SCNN1A: variants seen among roughly 807,000 people sequenced by gnomAD.
The protein encoded by SCNN1A is epithelial sodium channel subunit alpha.
SCNN1A carries 65 observed loss-of-function variants against 68.6 expected under a neutral mutation model. The observed-to-expected ratio is 0.95, with a 90% CI of 0.78 to 1.16. The LOEUF is 1.16. Ranked by LOEUF, SCNN1A falls within the 50% of genes most tolerant of loss-of-function variation. The pLI, the probability that SCNN1A is intolerant of heterozygous loss-of-function variation, is 0.00. For synonymous variants in SCNN1A, 357 were observed against 353.3 expected, an observed-to-expected ratio of 1.01 and a Z score of -0.12; for missense variants, 880 against 865.9, an observed-to-expected ratio of 1.02 and a Z score of -0.20.
chr12:6,367,864 AC>A lies in SCNN1A; in HGVS notation c.417-4155del, dbSNP rs571688069. On this transcript the variant is annotated intron_variant, in intron 2 of 12. Transcript: ENST00000228916. ...GTCCTAACGTGCAGCTACATTAACC[AC>A]CGTCTAGTCCAGATCTTCACTTCCT... 1.7e-3 allele frequency among the ~76,000 whole-genome samples: 254 copies of A among 152,286 alleles called. 5 individuals carry two copies. Among genetic ancestry groups the A allele is most frequent in the African/African-American group, 5.7e-3 (235 of 41,568 alleles).
intron 8 of SCNN1A, among the ~76,000 whole-genome samples, chr12:6,354,155 C>T (rs1048400875): frequency 5.9e-5 from 9 of 151,832 alleles, no homozygotes; most frequent in East Asian, 5.9e-4. Context: ...GGTGGGAACC[C>T]GGGAGGTGGA....
chr12:6,348,974 T>A lies in SCNN1A; in HGVS notation c.1529A>T (p.Asn510Ile). Residue 510 changes from asparagine to isoleucine, a missense_variant, in exon 11 of 13, where the codon AAC (asparagine) becomes ATC (isoleucine). Asn to Ile is a moderately radical substitution (Grantham distance 149). Around this residue, in one of 3 missense-constraint regions of SCNN1A, gnomAD observed 758 missense variants for 721.8 expected, o/e 1.05. Transcript: ENST00000228916. ...CCTCTTGTTGTTGACGGTGTAATTG[T>A]TCTGTCGCGATAGCATCTGGAAGAC... ...EWVFQMLSRQ[N>I]NYTVNNKRNG... The A allele has an allele frequency of 6.2e-7, 1 of 1,614,130 alleles. No individual in the cohort carries two copies. The highest frequency in any genetic ancestry group is 8.5e-7 in the Non-Finnish European group (1 of 1,180,030).
chr12:6,359,840 G>A (rs968621432), intron 4 of SCNN1A, among the ~76,000 whole-genome samples: 1 of 136,166 alleles, frequency 7.3e-6, no homozygotes, highest in Non-Finnish European at 1.5e-5. Flanking sequence ...GTGCGATCTC[G>A]GCTCACTGCA....
upstream of SCNN1A, chr12:6,376,309 C>T (rs1948908030): frequency 1.1e-5 from 4 of 377,108 alleles, no homozygotes; most frequent in Non-Finnish European, 1.5e-5. Flanking sequence ...GGGGGCTAGG[C>T]GGGGCCCTAG....
intron 8 of SCNN1A, chr12:6,349,772 G>C (rs533793052): frequency 7.3e-4 from 181 of 247,180 alleles, no homozygotes; most frequent in African/African-American, 4.1e-3. Context: ...TGTTGCCCAC[G>C]CTAGAGTGCA....
chr12:6,355,790 AGGC>A lies in SCNN1A; in HGVS notation c.963_965del (p.Met321_Pro322delinsIle). The A allele has an allele frequency of 6.2e-7, 1 of 1,610,222 alleles. No individual in the cohort carries two copies. The highest frequency in any genetic ancestry group is 8.5e-7 in the Non-Finnish European group (1 of 1,176,436). Reference sequence around the variant, plus strand: ...GGAGCTTCTCACCGTTGTTGATTCCAGGCATGGAAGACATCCAGAGGTTGGAGT... The same window carrying A: ...GGAGCTTCTCACCGTTGTTGATTCCAATGGAAGACATCCAGAGGTTGGAGT... On this transcript the variant is annotated inframe_deletion, in exon 5 of 13. Transcript: ENST00000228916.
intron 4 of SCNN1A, among the ~76,000 whole-genome samples, chr12:6,359,697 T>C (rs913493996): frequency 2.0e-5 from 3 of 151,482 alleles, no homozygotes; most frequent in African/African-American, 7.3e-5. Flanking sequence ...GCCATGCTTG[T>C]ACAATCTGCA....
Position 6,347,921 on chromosome 12 carries a change from C to T in SCNN1A, c.1962G>A (p.Gly654=), listed in dbSNP as rs573049175. 30 of 1,594,048 alleles carry T rather than the reference C, an allele frequency of 1.9e-5. No homozygotes were observed. In the East Asian group the frequency reaches 5.4e-4, roughly 29 times the overall value. ...YATLGPRPSP[G]GSAGASSSTC... is the part of the protein sequence containing the mutation. Reference sequence around the variant, plus strand: ...TGGAGGAACTGGCCCCTGCAGAGCCCCCTGGAGATGGGCGGGGGCCCAGGG... The same window carrying T: ...TGGAGGAACTGGCCCCTGCAGAGCCTCCTGGAGATGGGCGGGGGCCCAGGG... The change falls in exon 13 of 13, where the codon GGG becomes GGA. Residue 654 remains glycine (G), a synonymous_variant. Transcript: ENST00000228916.
chr12:6,369,445 A>G (rs116726241), intron 2 of SCNN1A, among the ~76,000 whole-genome samples: 2,895 of 151,640 alleles, frequency 0.019, 92 homozygotes, highest in African/African-American at 0.066. Context: ...CCACACACAC[A>G]AACCTGTGAC....
rs747753624 is a variant in SCNN1A, at chr12:6,362,178, C to A, written c.748G>T (p.Glu250Ter). 6.2e-7 allele frequency: 1 copy of A among 1,613,830 alleles called. No individual in the cohort carries two copies. The highest frequency in any genetic ancestry group is 8.5e-7 in the Non-Finnish European group (1 of 1,179,682). The change falls in exon 4 of 13, where the codon GAG becomes TAG. Residue 250 changes from glutamate to a stop codon, truncating the protein, a stop_gained. Transcript: ENST00000228916. LOFTEE classifies it high-confidence loss of function. Reference sequence around the variant, plus strand: ...TTGATGTAGTGGAAGCGGTACCACTCCCTCACCGCATCCACCCCTGATGAG... The same window carrying A: ...TTGATGTAGTGGAAGCGGTACCACTACCTCACCGCATCCACCCCTGATGAG... Reference protein sequence around the residue: ...TYSSGVDAVREWYRFHYINIL... With the variant: ...TYSSGVDAVR
rs201759987 is a variant in SCNN1A, at chr12:6,348,122, C to A, written c.1761G>T (p.Arg587Ser). 4 of 1,614,152 alleles carry A rather than the reference C, an allele frequency of 2.5e-6. No homozygotes were observed. In the East Asian group the frequency reaches 8.9e-5, roughly 36 times the overall value. Residue 587 changes from arginine (R) to serine (S), a missense_variant, in exon 13 of 13, where the codon AGG (arginine) becomes AGT (serine). By Grantham distance (110) the Arg-to-Ser change is moderately radical (BLOSUM62 -1). Transcript: ENST00000228916. ...CTGGAGACCAGTATCGGCTTCGGAACCTTCGGAGCAGCATGAGGAACATGA... is the reference window on the plus strand; with the variant it reads ...CTGGAGACCAGTATCGGCTTCGGAAACTTCGGAGCAGCATGAGGAACATGA... ...LVIMFLMLLRRFRSRYWSPGR... is the reference protein window; with the variant it reads ...LVIMFLMLLRSFRSRYWSPGR...
At chr12:6,371,511 A>G (rs56194639) in intron 2 of SCNN1A, among the ~76,000 whole-genome samples, 108,445 of 137,698 alleles carry the variant, frequency 0.79, 42,609 homozygotes, top group African/African-American at 0.89. Context: ...CTGGCTTTCC[A>G]TTGGAGCGTG....
At position 6,366,486 on chromosome 12, in the gene SCNN1A, G is replaced by A. The variant is rs553291343; in HGVS notation, c.417-2776C>T. On this transcript the variant is annotated intron_variant, in intron 2 of 12. Coordinates refer to ENST00000228916, the MANE Select transcript of SCNN1A (RefSeq NM_001038.6). ...AATTTACGGTGTTTAGGCCGCACCC[G>A]AAACACATTAGAACATAAAGATTTG... Among the ~76,000 whole-genome samples, 9 of 152,272 alleles carry A rather than the reference G, an allele frequency of 5.9e-5. No homozygotes were observed. The South Asian group carries it at 1.0e-3, about 18-fold the overall frequency.
chr12:6,373,326 A>C (rs1948827871), intron 2 of SCNN1A, among the ~76,000 whole-genome samples: 1 of 152,114 alleles, frequency 6.6e-6, no homozygotes, highest in Admixed American at 6.5e-5. Flanking sequence ...GCACTCCTTG[A>C]AGGTACACTA....
chr12:6,360,781 A>C (rs898507148), intron 4 of SCNN1A, among the ~76,000 whole-genome samples: 3 of 149,570 alleles, frequency 2.0e-5, no homozygotes, highest in Admixed American at 6.6e-5. Context: ...ACAGAAGGGG[A>C]CCCCCCCCTC....
upstream of SCNN1A, chr12:6,376,012 G>A (rs1948902376): frequency 1.0e-6 from 1 of 1,002,708 alleles, no homozygotes; most frequent in Non-Finnish European, 1.2e-6. Context: ...GCACCAAAGG[G>A]AGTCTGTCTC....
upstream of SCNN1A, chr12:6,377,154 A>T (rs1396350898): frequency 1.0e-6 from 1 of 1,003,918 alleles, no homozygotes; most frequent in East Asian, 2.6e-5. Context: ...TCAGGGTCCA[A>T]CCTGGTCTGT....
intron 2 of SCNN1A, among the ~76,000 whole-genome samples, chr12:6,368,165 A>G (rs1335246472): frequency 1.3e-5 from 2 of 152,384 alleles, no homozygotes; most frequent in African/African-American, 4.8e-5. Context: ...ATTAAATTTA[A>G]CTTGAGTTTC....
Position 6,348,190 on chromosome 12 carries a change from A to T in SCNN1A, c.1693T>A (p.Ser565Thr), listed in dbSNP as rs200443896. Residue 565 changes from serine to threonine, a missense_variant, in exon 13 of 13, where the codon TCT (serine) becomes ACT (threonine). Transcript: ENST00000228916. Reference protein sequence around the residue: ...WSLWFGSSVLSVVEMAELVFD... With the variant: ...WSLWFGSSVLTVVEMAELVFD... Reference sequence around the variant, plus strand: ...ACGAGCTCAGCCATCTCCACCACAGACAACACCGAGGAGCCGAACCACAGG... The same window carrying T: ...ACGAGCTCAGCCATCTCCACCACAGTCAACACCGAGGAGCCGAACCACAGG... 10 of 1,614,116 alleles carry T rather than the reference A, an allele frequency of 6.2e-6. No individual in the cohort carries two copies. The African/African-American group carries it at 1.1e-4, about 17-fold the overall frequency.
Sources: allele counts gnomAD v4.1 joint callset (sites outside exome capture counted in the v4.1 genomes callset), GRCh38; gene constraint gnomAD v4.1.1; regional missense constraint gnomAD v4.1.1; transcripts MANE v1.5; gene names NCBI Gene and HGNC (gene_info 2026-07-23, HGNC 2026-07-21).